THSD4: variants seen among roughly 807,000 people sequenced by gnomAD.
THSD4 encodes thrombospondin type-1 domain-containing protein 4.
A neutral mutation model predicts 119.0 loss-of-function variants in THSD4; 69 were observed. The observed-to-expected ratio is 0.58, with a 90% confidence interval of 0.48 to 0.71. THSD4 has a LOEUF of 0.71. THSD4 is among the 30% of genes least tolerant of loss of function. The pLI is 0.00. For synonymous variants in THSD4, 524 were observed against 540.4 expected (o/e 0.97, Z 0.42); for missense variants, 1,393 against 1,391.1 (o/e 1.00, Z -0.02).
At chr15:71,431,741 G>A (rs1334380390) in intron 7 of THSD4, among the ~76,000 whole-genome samples, 1 of 152,130 alleles carries the variant, frequency 6.6e-6, no homozygotes, top group African/African-American at 2.4e-5. Context: ...CCCAAGGCTT[G>A]TATACCATAG....
chr15:71,419,519 T>G lies in THSD4; in HGVS notation c.1152+7696T>G, dbSNP rs1376606584. ...TGGTCTATTATTTATCTTTTACTAATTTTGGGGTTTTTTCTTGTATTTCTA... is the reference window on the plus strand; with the variant it reads ...TGGTCTATTATTTATCTTTTACTAAGTTTGGGGTTTTTTCTTGTATTTCTA... On this transcript the variant is annotated intron_variant, in intron 7 of 17. Coordinates refer to ENST00000261862, the MANE Select transcript of THSD4 (RefSeq NM_024817.3). Among the ~76,000 whole-genome samples, 2 of 108,024 alleles carry G rather than the reference T, an allele frequency of 1.9e-5. 1 individual carries two copies. The highest frequency in any genetic ancestry group is 4.1e-5 in the Non-Finnish European group (2 of 49,140). The allele number at this position is 108,024 out of a possible 152,430, so 70.9% of individuals were successfully genotyped here.
chr15:71,672,883 G>A (rs1017806510), intron 8 of THSD4, among the ~76,000 whole-genome samples: 35 of 152,104 alleles, frequency 2.3e-4, no homozygotes, highest in Non-Finnish European at 3.2e-4. Flanking sequence ...TGCTGGATTC[G>A]GTTTGCAAGT....
intron 6 of THSD4, among the ~76,000 whole-genome samples, chr15:71,362,896 C>G (rs1175473028): frequency 2.0e-5 from 3 of 150,034 alleles, no homozygotes; most frequent in Non-Finnish European, 4.4e-5. Context: ...GGTGTCTAAT[C>G]TTGGCTTCCC....
At chr15:71,201,255 C>T (rs902385109) in intron 3 of THSD4, among the ~76,000 whole-genome samples, 1 of 152,104 alleles carries the variant, frequency 6.6e-6, no homozygotes, top group Non-Finnish European at 1.5e-5. Flanking sequence ...GGTACTTCTG[C>T]TCACCAATAA....
chr15:71,393,311 C>A (rs1018883168), intron 6 of THSD4, among the ~76,000 whole-genome samples: 1 of 151,840 alleles, frequency 6.6e-6, no homozygotes, highest in African/African-American at 2.4e-5. Context: ...CAAATAACTG[C>A]GGCCTGAATG....
In THSD4 at chr15:71,745,248, C is replaced by CTCCATTTAGG; in HGVS notation, c.2036+16_2036+25dup. 6.2e-7 allele frequency: 1 copy of CTCCATTTAGG among 1,613,516 alleles called. No individual in the cohort carries two copies. Among genetic ancestry groups the CTCCATTTAGG allele is most frequent in the East Asian group, 2.2e-5 (1 of 44,864 alleles). On this transcript the variant is annotated intron_variant, in intron 12 of 17. Coordinates refer to ENST00000261862, the MANE Select transcript of THSD4 (RefSeq NM_024817.3). ...CTTGCCCAGCCTTGTAAGAAGGCCCCTCCATTTAGGTCGCCTATTACCGGG... is the reference window on the plus strand; with the variant it reads ...CTTGCCCAGCCTTGTAAGAAGGCCCCTCCATTTAGGTCCATTTAGGTCGCCTATTACCGGG...
Position 71,423,718 on chromosome 15 carries a change from T to C in THSD4, c.1152+11895T>C, listed in dbSNP as rs74021991. Among the ~76,000 whole-genome samples, 727 of 152,290 alleles carry C rather than the reference T, an allele frequency of 4.8e-3. 9 individuals carry two copies. Among genetic ancestry groups the C allele is most frequent in the African/African-American group, 0.017 (692 of 41,558 alleles). On this transcript the variant is annotated intron_variant, in intron 7 of 17. Transcript: ENST00000261862. ...TAGGTTTCGTGCCCCCCAAGTCCAC[T>C]AGCTCCAAGCCTAACATAGCACCAG...
chr15:71,245,600 C>T (rs926775650), intron 5 of THSD4, among the ~76,000 whole-genome samples: 1 of 152,170 alleles, frequency 6.6e-6, no homozygotes, highest in African/African-American at 2.4e-5. Flanking sequence ...CACAGTGGAG[C>T]CACATAGGAC....
chr15:71,438,154 A>G (rs1453010175), intron 7 of THSD4, among the ~76,000 whole-genome samples: 3 of 152,180 alleles, frequency 2.0e-5, no homozygotes, highest in Non-Finnish European at 4.4e-5. Context: ...ACCCTCGCCC[A>G]GGAACCACTT....
chr15:71,399,677 G>T (rs34598829), intron 6 of THSD4, among the ~76,000 whole-genome samples: 10,210 of 152,222 alleles, frequency 0.067, 474 homozygotes, highest in Non-Finnish European at 0.096. Context: ...TAGAGCAGAG[G>T]TTCTCCAGGT....
At chr15:71,297,108 C>A (rs1198614729) in intron 6 of THSD4, among the ~76,000 whole-genome samples, 1 of 151,932 alleles carries the variant, frequency 6.6e-6, no homozygotes, top group African/African-American at 2.4e-5. Context: ...TAATATTAAC[C>A]CATTTCCTTC....
At chr15:71,608,091 C>G (rs1362356203) in intron 7 of THSD4, among the ~76,000 whole-genome samples, 4 of 151,772 alleles carry the variant, frequency 2.6e-5, no homozygotes, top group Non-Finnish European at 5.9e-5. Context: ...GGCGTGGTGG[C>G]AGGCACCTGT....
intron 14 of THSD4, among the ~76,000 whole-genome samples, chr15:71,749,367 C>T (rs75492203): frequency 0.019 from 2,910 of 152,298 alleles, 97 homozygotes; most frequent in African/African-American, 0.066. Flanking sequence ...CTGGTGGGAT[C>T]GGCGCATTGG....
intron 7 of THSD4, among the ~76,000 whole-genome samples, chr15:71,605,410 C>T (rs1050505963): frequency 9.2e-5 from 14 of 152,200 alleles, no homozygotes; most frequent in African/African-American, 2.4e-4. Context: ...GGGTTTCACC[C>T]AGAGCTCTGG....
intron 6 of THSD4, among the ~76,000 whole-genome samples, chr15:71,272,795 C>T (rs1421111659): frequency 4.0e-5 from 6 of 151,502 alleles, no homozygotes; most frequent in Admixed American, 3.3e-4. Flanking sequence ...ACCCGGGAGG[C>T]GGAGGTGGCA....
At chr15:71,160,701 T>C (rs1020202213) in intron 3 of THSD4, among the ~76,000 whole-genome samples, 11 of 151,922 alleles carry the variant, frequency 7.2e-5, no homozygotes, top group African/African-American at 2.7e-4. Flanking sequence ...TTTTTTTTCT[T>C]AGTGTACCTA....
chr15:71,235,096 T>C (rs78172058), intron 4 of THSD4, among the ~76,000 whole-genome samples: 16 of 152,252 alleles, frequency 1.1e-4, no homozygotes, highest in African/African-American at 3.9e-4. Context: ...TGATAGTCAT[T>C]GTGAATTACA....
At chr15:71,398,845 AG>A (rs551029883) in intron 6 of THSD4, among the ~76,000 whole-genome samples, 234 of 152,182 alleles carry the variant, frequency 1.5e-3, no homozygotes, top group Middle Eastern at 3.4e-3. Flanking sequence ...GGTAGGAGAC[AG>A]GGGCATGGTG....
chr15:71,753,789 C>T (rs1022345547), intron 14 of THSD4, among the ~76,000 whole-genome samples: 3 of 152,194 alleles, frequency 2.0e-5, no homozygotes, highest in African/African-American at 7.2e-5. Context: ...TGGGGAGCTC[C>T]TTTCATGTTT....
Sources: gnomAD v4.1 joint callset for allele counts (sites outside exome capture counted in the v4.1 genomes callset) on GRCh38, gnomAD v4.1.1 for gene constraint, MANE v1.5 for transcripts, NCBI Gene and HGNC (gene_info 2026-07-23, HGNC 2026-07-21) for gene names.